RERE: variants seen among roughly 807,000 people sequenced by gnomAD.
RERE encodes the protein arginine-glutamic acid dipeptide repeats protein.
Under a neutral mutation model 146.1 loss-of-function variants are expected in RERE, and 40 were observed. That is an observed-to-expected ratio of 0.27 (90% CI 0.21 to 0.36). The LOEUF (loss-of-function observed/expected upper bound fraction) is 0.36. Among genes scored for constraint, RERE ranks in the 10% least tolerant of loss-of-function variants. RERE has a pLI of 1.00. For missense variants in RERE, 1,933 were observed against 2,138.7 expected (o/e 0.90, Z 1.90); for synonymous variants, 1,003 against 866.0 (o/e 1.16, Z -2.78).
Position 8,364,086 on chromosome 1 carries a change from A to C in RERE, c.1710T>G (p.His570Gln). 1 of 1,614,076 alleles carries C rather than the reference A, an allele frequency of 6.2e-7. No homozygotes were observed. Among genetic ancestry groups the C allele is most frequent in the Non-Finnish European group, 8.5e-7 (1 of 1,180,022 alleles). ...KEEDDGLSGK[H>Q]SMRTRRSRGS... Reference sequence around the variant, plus strand: ...CCCGACTCCGCCGTGTCCTCATGCTATGCTTCCCACTGAGCCCATCATCCT... The same window carrying C: ...CCCGACTCCGCCGTGTCCTCATGCTCTGCTTCCCACTGAGCCCATCATCCT... Residue 570 changes from histidine to glutamine, a missense_variant, in exon 15 of 23, where the codon CAT becomes CAG. His to Gln is a conservative substitution (Grantham distance 24). Transcript: ENST00000400908. The surrounding 1 kb of genome is among the most constrained non-coding windows in gnomAD (Gnocchi z 5.1).
At chr1:8,373,053 TGAGCAG>T in intron 12 of RERE, among the ~76,000 whole-genome samples, 1 of 152,222 alleles carries the variant, frequency 6.6e-6, no homozygotes, top group Non-Finnish European at 1.5e-5. Context: ...CACTGTCAGC[TGAGCAG>T]ACTGTAGTTA....
intron 4 of RERE, among the ~76,000 whole-genome samples, chr1:8,602,815 G>T (rs1352353076): frequency 6.6e-6 from 1 of 150,954 alleles, no homozygotes; most frequent in Non-Finnish European, 1.5e-5. Context: ...TGGTTTAAAA[G>T]AAATATTTCT....
Position 8,817,608 on chromosome 1 carries a change from C to T in RERE, c.-593G>A, listed in dbSNP as rs868572953. On this transcript the variant is annotated 5_prime_UTR_variant, in exon 1 of 23. Transcript: ENST00000400908. Reference sequence around the variant, plus strand: ...CGGGGTGTGCGGGAGGCTGAGGAGGCTCCGGAGCGCGGAGGGTTGCTCGCG... The same window carrying T: ...CGGGGTGTGCGGGAGGCTGAGGAGGTTCCGGAGCGCGGAGGGTTGCTCGCG... The T allele has an allele frequency of 2.0e-5, 3 of 151,154 alleles. No individual in the cohort carries two copies. The highest frequency in any genetic ancestry group is 2.1e-4 in the South Asian group (1 of 4,796). 9.4% of individuals were successfully genotyped at this position (151,154 alleles called of 1,614,324 possible). A position where few individuals can be genotyped will look rare whatever the true frequency, so the allele number is the denominator to read the frequency against.
At position 8,567,362 on chromosome 1, in the gene RERE, A is replaced by G. The variant is rs114848919; in HGVS notation, c.523-9839T>C. On this transcript the variant is annotated intron_variant, in intron 4 of 22. Coordinates refer to ENST00000400908, the MANE Select transcript of RERE (RefSeq NM_001042681.2). The stretch of plus-strand genomic sequence containing the variant: ...GGTAGGAAGGCAGATGACTATTCAC[A>G]GTGTTTACAATCAAGATATACAAAT... Among the ~76,000 whole-genome samples, 280 of 152,350 alleles carry G rather than the reference A, an allele frequency of 1.8e-3. 2 individuals are homozygous for G. Among genetic ancestry groups the G allele is most frequent in the African/African-American group, 6.5e-3 (271 of 41,586 alleles).
intron 4 of RERE, among the ~76,000 whole-genome samples, chr1:8,566,821 C>T (rs1209374538): frequency 1.3e-5 from 2 of 148,486 alleles, no homozygotes; most frequent in Non-Finnish European, 3.0e-5. Context: ...GACGGAGTCT[C>T]ACTCTGTCAC....
At chr1:8,632,481 T>TATCACAGTG (rs373168695) in intron 2 of RERE, among the ~76,000 whole-genome samples, 2,356 of 152,350 alleles carry the variant, frequency 0.015, 63 homozygotes, top group African/African-American at 0.054. Context: ...TATAAACTAG[T>TATCACAGTG]AATCCATTTT....
At chr1:8,631,060 T>C (rs1343632136) in intron 2 of RERE, among the ~76,000 whole-genome samples, 1 of 152,238 alleles carries the variant, frequency 6.6e-6, no homozygotes, top group East Asian at 1.9e-4. Flanking sequence ...TTTATCCTCA[T>C]TGCTAACAAG....
At chr1:8,778,521 A>G (rs1641108739) in intron 1 of RERE, among the ~76,000 whole-genome samples, 1 of 152,222 alleles carries the variant, frequency 6.6e-6, no homozygotes, top group Non-Finnish European at 1.5e-5. Flanking sequence ...CAGAGTTTAA[A>G]GGAAAGCTCA....
At chr1:8,736,862 A>C (rs1273363680) in intron 1 of RERE, among the ~76,000 whole-genome samples, 4 of 151,554 alleles carry the variant, frequency 2.6e-5, no homozygotes, top group Non-Finnish European at 5.9e-5. Context: ...AAAAAAAAAA[A>C]AAAAAAAAAA....
At chr1:8,558,836 C>T (rs1646037682) in intron 4 of RERE, among the ~76,000 whole-genome samples, 1 of 148,750 alleles carries the variant, frequency 6.7e-6, no homozygotes, top group South Asian at 2.2e-4. Context: ...CACTGTGTCG[C>T]CCAGGCTGGA....
intron 12 of RERE, among the ~76,000 whole-genome samples, chr1:8,412,852 G>C (rs955199339): frequency 5.3e-5 from 8 of 152,176 alleles, no homozygotes; most frequent in African/African-American, 1.9e-4. Context: ...GGGATATCCA[G>C]GTTTCAAACT....
intron 1 of RERE, among the ~76,000 whole-genome samples, chr1:8,657,174 G>A (rs1401136554): frequency 2.6e-5 from 4 of 151,834 alleles, no homozygotes; most frequent in South Asian, 2.1e-4. Flanking sequence ...GTGTGGTGGC[G>A]GGCGCCTGTA....
At chr1:8,802,039 G>C (rs1231439364) in intron 1 of RERE, among the ~76,000 whole-genome samples, 3 of 152,188 alleles carry the variant, frequency 2.0e-5, no homozygotes, top group Admixed American at 2.0e-4. Context: ...AAAATGTCTG[G>C]AGGAATACTG....
chr1:8,753,298 T>C (rs981176670), intron 1 of RERE: 7 of 152,348 alleles, frequency 4.6e-5, no homozygotes, highest in Middle Eastern at 3.4e-3. Flanking sequence ...TTTTCAGTCA[T>C]AGGTAAAATT....
chr1:8,409,807 C>T (rs551695738), intron 12 of RERE, among the ~76,000 whole-genome samples: 9 of 151,980 alleles, frequency 5.9e-5, no homozygotes, highest in Admixed American at 2.0e-4. Context: ...GAGGGCCTGG[C>T]GACATGATCA....
chr1:8,555,733 C>T (rs930308449), intron 6 of RERE, among the ~76,000 whole-genome samples: 2 of 152,112 alleles, frequency 1.3e-5, no homozygotes, highest in Non-Finnish European at 2.9e-5. Flanking sequence ...ACAAAATGAG[C>T]CATTATGGGC....
intron 22 of RERE, 97 bp downstream of exon 22, chr1:8,355,322 G>A: frequency 1.5e-6 from 2 of 1,373,798 alleles, no homozygotes; most frequent in Non-Finnish European, 2.0e-6. Context: ...CCAGGGCCCA[G>A]CAGGCAGAGG....
At chr1:8,514,306 T>C (rs1166964117) in intron 7 of RERE, among the ~76,000 whole-genome samples, 2 of 152,232 alleles carry the variant, frequency 1.3e-5, no homozygotes, top group Non-Finnish European at 2.9e-5. Context: ...TGATATTCCA[T>C]GAAAAAAGTG....
chr1:8,688,395 C>A (rs1369082900), intron 1 of RERE, among the ~76,000 whole-genome samples: 1 of 152,036 alleles, frequency 6.6e-6, no homozygotes, highest in Non-Finnish European at 1.5e-5. Flanking sequence ...AACCCCGTCT[C>A]TACTAAAAAT....
Sources: gnomAD v4.1 joint callset for allele counts (sites outside exome capture counted in the v4.1 genomes callset) on GRCh38, gnomAD v4.1.1 for gene constraint, Gnocchi (gnomAD v3.1) non-coding constraint, MANE v1.5 for transcripts, NCBI Gene and HGNC (gene_info 2026-07-23, HGNC 2026-07-21) for gene names.